The following MPPED2 variants were observed in gnomAD, a reference collection of about 807,000 sequenced individuals.
MPPED2 encodes the protein metallophosphoesterase domain containing 2.
In MPPED2, 5 loss-of-function variants were observed where a neutral mutation model predicts 33.0. The ratio of observed to expected loss-of-function variants is 0.15; its 90% CI spans 0.08 to 0.32. The LOEUF is 0.32. Ranked by LOEUF, MPPED2 falls within the 10% of genes least tolerant of loss-of-function variation. The pLI is 1.00. For synonymous variants in MPPED2, 136 were observed against 141.9 expected (o/e 0.96, Z 0.29); for missense variants, 275 against 372.1 (o/e 0.74, Z 2.15).
chr11:30,583,593 T>C (rs1048308542), intron 1 of MPPED2, among the ~76,000 whole-genome samples: 16 of 152,190 alleles, frequency 1.1e-4, no homozygotes, highest in African/African-American at 3.6e-4. Context: ...TTCTGTCCTT[T>C]AAGCTGTACA....
chr11:30,403,343 A>G (rs1326967067), intron 6 of MPPED2, among the ~76,000 whole-genome samples: 2 of 152,252 alleles, frequency 1.3e-5, no homozygotes, highest in Non-Finnish European at 2.9e-5. Context: ...AGCCAGTCAC[A>G]GGAAAGAATT....
Position 30,414,078 on chromosome 11 carries a change from T to C in MPPED2, c.766+150A>G, listed in dbSNP as rs554780576. 3.1e-5 allele frequency: 19 copies of C among 610,698 alleles called. No homozygotes were observed. In the East Asian group the frequency reaches 5.0e-4, roughly 16 times the overall value. The allele number at this position is 610,698 out of a possible 1,614,324, so 37.8% of individuals were successfully genotyped here. ...GTCCATATAAAATATTTATCAGCTT[T>C]ATATTCAGATGTTTCTCATAAGACT... On this transcript the variant is annotated intron_variant, in intron 6 of 6. Transcript: ENST00000358117.
At chr11:30,562,671 A>G (rs759722930) in intron 2 of MPPED2, among the ~76,000 whole-genome samples, 13 of 151,186 alleles carry the variant, frequency 8.6e-5, no homozygotes, top group Non-Finnish European at 1.6e-4. Context: ...ATTAAGGGTC[A>G]TAAAGAGTCA....
chr11:30,415,175 C>T (rs1343437551), intron 5 of MPPED2, among the ~76,000 whole-genome samples: 1 of 152,124 alleles, frequency 6.6e-6, no homozygotes, highest in Non-Finnish European at 1.5e-5. Context: ...AATAACTGGG[C>T]AGTAAGGAAC....
chr11:30,422,367 G>A (rs189287636), intron 4 of MPPED2, among the ~76,000 whole-genome samples: 1 of 152,246 alleles, frequency 6.6e-6, no homozygotes, highest in African/African-American at 2.4e-5. Context: ...ATATTTTATA[G>A]TTCTGTGCAG....
chr11:30,571,432 A>G (rs1956686008), intron 2 of MPPED2, among the ~76,000 whole-genome samples: 1 of 152,148 alleles, frequency 6.6e-6, no homozygotes, highest in Non-Finnish European at 1.5e-5. Flanking sequence ...CTCTTTGCAG[A>G]GTTAGTGTTT....
At chr11:30,486,963 A>G (rs1590511013) in intron 4 of MPPED2, among the ~76,000 whole-genome samples, 1 of 152,140 alleles carries the variant, frequency 6.6e-6, no homozygotes, top group Admixed American at 6.5e-5. Context: ...TTCTCAGTTC[A>G]CCAGCCAGAG....
At chr11:30,434,490 T>G (rs1042685979) in intron 4 of MPPED2, among the ~76,000 whole-genome samples, 1 of 152,240 alleles carries the variant, frequency 6.6e-6, no homozygotes, top group African/African-American at 2.4e-5. Flanking sequence ...CAGATCATCC[T>G]GGTTTATCAT....
intron 3 of MPPED2, among the ~76,000 whole-genome samples, chr11:30,496,364 C>T (rs1042573302): frequency 3.9e-5 from 6 of 152,152 alleles, no homozygotes; most frequent in Non-Finnish European, 8.8e-5. Flanking sequence ...GCTATAAGAA[C>T]GAAAATCCAA....
intron 4 of MPPED2, among the ~76,000 whole-genome samples, chr11:30,481,874 G>A (rs1299923477): frequency 6.6e-6 from 1 of 152,116 alleles, no homozygotes. Context: ...GCTTTTGGGG[G>A]TTTCCTTGCA....
chr11:30,435,283 C>A (rs1458610668), intron 4 of MPPED2, among the ~76,000 whole-genome samples: 1 of 152,164 alleles, frequency 6.6e-6, no homozygotes, highest in African/African-American at 2.4e-5. Flanking sequence ...GACACACCAT[C>A]TCTTATGTGA....
At chr11:30,572,767 G>T (rs1956761366) in intron 2 of MPPED2, among the ~76,000 whole-genome samples, 2 of 151,968 alleles carry the variant, frequency 1.3e-5, no homozygotes, top group African/African-American at 4.8e-5. Context: ...TGAGCGTTAG[G>T]GGTCATTTCT....
chr11:30,580,216 A>G (rs1395626636), intron 2 of MPPED2, 30 bp downstream of exon 2: 18 of 1,595,142 alleles, frequency 1.1e-5, no homozygotes, highest in Non-Finnish European at 1.4e-5. Flanking sequence ...CTTGATTGCT[A>G]ATTTTGTTAA....
At chr11:30,413,905 G>T (rs553664368) in intron 6 of MPPED2, among the ~76,000 whole-genome samples, 11 of 152,210 alleles carry the variant, frequency 7.2e-5, no homozygotes, top group Non-Finnish European at 1.0e-4. Context: ...ATGACTCCTT[G>T]TATACCTTGG....
chr11:30,408,785 G>A (rs7942037), downstream of MPPED2, among the ~76,000 whole-genome samples: 17 of 152,092 alleles, frequency 1.1e-4, no homozygotes, highest in East Asian at 2.5e-3. Context: ...GTGACCTTAC[G>A]CAGGATTCTG....
intron 6 of MPPED2, among the ~76,000 whole-genome samples, chr11:30,398,107 G>A (rs1947861233): frequency 6.6e-6 from 1 of 152,110 alleles, no homozygotes; most frequent in Non-Finnish European, 1.5e-5. Context: ...ATTCCTATCA[G>A]TACCTCAAGG....
At chr11:30,580,099 G>A in intron 2 of MPPED2, 147 bp downstream of exon 2, 1 of 753,630 alleles carries the variant, frequency 1.3e-6, no homozygotes, top group Non-Finnish European at 2.1e-6. Flanking sequence ...TTCCTCCTGA[G>A]CTGTATTTGA....
intron 2 of MPPED2, among the ~76,000 whole-genome samples, chr11:30,551,152 A>T (rs1955691888): frequency 6.6e-6 from 1 of 152,254 alleles, no homozygotes; most frequent in Non-Finnish European, 1.5e-5. Context: ...CTGGATCCAC[A>T]CTCTATACTT....
chr11:30,559,761 A>G (rs1353956496), intron 2 of MPPED2, among the ~76,000 whole-genome samples: 6 of 152,200 alleles, frequency 3.9e-5, no homozygotes, highest in Non-Finnish European at 8.8e-5. Flanking sequence ...TCTCCAAATA[A>G]CCAAAGGGCA....
Sources: gnomAD v4.1 joint callset for allele counts (sites outside exome capture counted in the v4.1 genomes callset) on GRCh38, gnomAD v4.1.1 for gene constraint, MANE v1.5 for transcripts, NCBI Gene and HGNC (gene_info 2026-07-23, HGNC 2026-07-21) for gene names.